The following GTF2IRD1 variants were observed in gnomAD, a reference collection of about 807,000 sequenced individuals.
GTF2IRD1 encodes GTF2I repeat domain containing 1, also known as general transcription factor II-I repeat domain-containing protein 1.
Under a neutral mutation model 113.2 loss-of-function variants are expected in GTF2IRD1, and 26 were observed. That is an observed-to-expected ratio of 0.23 (90% CI 0.17 to 0.32). The LOEUF (loss-of-function observed/expected upper bound fraction) is 0.32, where lower values mean the gene tolerates loss of function less well. GTF2IRD1 is among the 10% of genes least tolerant of loss of function. The pLI is 1.00. For missense variants in GTF2IRD1, 864 were observed against 1,280.8 expected (o/e 0.67, Z 4.97); for synonymous variants, 484 against 529.1 (o/e 0.91, Z 1.17).
intron 11 of GTF2IRD1, 41 bp downstream of exon 11, chr7:74,536,316 C>A: frequency 8.1e-7 from 1 of 1,241,306 alleles, no homozygotes; most frequent in Non-Finnish European, 1.2e-6. Flanking sequence ...GCGGCCAGCC[C>A]TGCTCTGGGC....
intron 25 of GTF2IRD1, among the ~76,000 whole-genome samples, chr7:74,596,770 G>A (rs1263787064): frequency 3.9e-5 from 6 of 152,184 alleles, no homozygotes; most frequent in African/African-American, 7.2e-5. Flanking sequence ...CCTGGGCAAC[G>A]TAGTGAGATC....
chr7:74,591,090 T>C, intron 24 of GTF2IRD1, 73 bp downstream of exon 24: 1 of 1,026,428 alleles, frequency 9.7e-7, no homozygotes, highest in Non-Finnish European at 1.5e-6. Flanking sequence ...AAGGTCACGG[T>C]GGGTCAGCTG....
chr7:74,539,188 G>A (rs1274099086), intron 13 of GTF2IRD1, among the ~76,000 whole-genome samples: 4 of 152,196 alleles, frequency 2.6e-5, no homozygotes, highest in African/African-American at 9.6e-5. Context: ...GCTCATGCTT[G>A]TAATCCTGGC....
Position 74,519,634 on chromosome 7 carries a change from C to T in GTF2IRD1, c.831C>T (p.Cys277=), listed in dbSNP as rs781930606. 3 of 1,611,168 alleles carry T rather than the reference C, an allele frequency of 1.9e-6. No individual in the cohort carries two copies. The highest frequency in any genetic ancestry group is 3.3e-5 in the Admixed American group (2 of 59,790). ...IRELKQEAPS[C]PLAPSDLGLS... Reference sequence around the variant, plus strand: ...AGCTCAAGCAGGAAGCACCTTCCTGCCCCCTTGCCCCCAGCGACCTGGGCC... The same window carrying T: ...AGCTCAAGCAGGAAGCACCTTCCTGTCCCCTTGCCCCCAGCGACCTGGGCC... Residue 277 remains cysteine, a synonymous_variant, in exon 6 of 27, where the codon TGC becomes TGT. Transcript: ENST00000424337.
chr7:74,520,880 ATTATT>A (rs1797251962), intron 6 of GTF2IRD1, among the ~76,000 whole-genome samples: 1 of 144,170 alleles, frequency 6.9e-6, no homozygotes, highest in Non-Finnish European at 1.5e-5. Flanking sequence ...TATTATTATT[ATTATT>A]ATAAGGGGGA....
rs541623163 is a variant in GTF2IRD1 at position 74,501,944 on chromosome 7, G to A, written c.-6-6131G>A. Among the ~76,000 whole-genome samples, 24 of 152,138 alleles carry A rather than the reference G, an allele frequency of 1.6e-4. No individual in the cohort carries two copies. In the South Asian group the frequency reaches 4.8e-3, roughly 30 times the overall value. On this transcript the variant is annotated intron_variant, in intron 1 of 26. Transcript: ENST00000424337. Reference sequence around the variant, plus strand: ...TGGGATTACAGGTGTGAGCTACCGCGCCTGGCCTTTGTTGTTGTTTTGAGA... The same window carrying A: ...TGGGATTACAGGTGTGAGCTACCGCACCTGGCCTTTGTTGTTGTTTTGAGA...
Position 74,512,769 on chromosome 7 carries a change from ATACTAGAGG to A in GTF2IRD1, c.124-59_124-51del. 6.5e-7 allele frequency: 1 copy of A among 1,547,918 alleles called. No individual in the cohort carries two copies. The highest frequency in any genetic ancestry group is 8.8e-7 in the Non-Finnish European group (1 of 1,132,264). ...AGCTCACATCCCACCCCCGAAGTGG[ATACTAGAGG>A]TGTTCGGAGTATGGGGAGCCCTTCC... On this transcript the variant is annotated intron_variant, in intron 2 of 26. Transcript: ENST00000424337. The surrounding 1 kb of genome is among the most constrained non-coding windows in gnomAD (Gnocchi z 4.4).
chr7:74,503,698 G>A (rs528129413), intron 1 of GTF2IRD1, among the ~76,000 whole-genome samples: 6 of 151,676 alleles, frequency 4.0e-5, no homozygotes, highest in East Asian at 1.9e-4. Flanking sequence ...GCAGTGAGCC[G>A]AGATCACACC....
At chr7:74,540,280 G>A (rs587716050) in intron 14 of GTF2IRD1, among the ~76,000 whole-genome samples, 1 of 152,226 alleles carries the variant, frequency 6.6e-6, no homozygotes, top group South Asian at 2.1e-4. Flanking sequence ...CTGAGTAGCT[G>A]GAATTACAGG....
intron 1 of GTF2IRD1, among the ~76,000 whole-genome samples, chr7:74,489,349 CT>C (rs1388435203): frequency 3.3e-5 from 5 of 151,642 alleles, no homozygotes; most frequent in Non-Finnish European, 4.4e-5. Flanking sequence ...GTTTCAGTCC[CT>C]TTTTTTATTT....
Position 74,589,938 on chromosome 7 carries a change from T to C in GTF2IRD1, c.2398+10T>C. ...TTCAACGAGAAATACGGTCAGTGCC[T>C]GTGGTCAGGGTCAGCACACCAAGCC... On this transcript the variant is annotated intron_variant, in intron 23 of 26. Coordinates refer to ENST00000424337, the MANE Select transcript of GTF2IRD1 (RefSeq NM_005685.4). The C allele has an allele frequency of 2.5e-6, 4 of 1,578,930 alleles. No homozygotes were observed. Among genetic ancestry groups the C allele is most frequent in the Non-Finnish European group, 3.5e-6 (4 of 1,148,354 alleles).
chr7:74,590,687 C>T (rs1802006491), intron 23 of GTF2IRD1, 138 bp from the exon 24 acceptor site: 4 of 523,932 alleles, frequency 7.6e-6, no homozygotes, highest in Non-Finnish European at 1.3e-5. Context: ...CACTGCGCCC[C>T]ACCAGGGTCT....
chr7:74,486,290 A>T (rs1795021120), intron 1 of GTF2IRD1, among the ~76,000 whole-genome samples: 1 of 152,138 alleles, frequency 6.6e-6, no homozygotes. Flanking sequence ...GGCTTAGGAG[A>T]GAGGGGTGTC....
In GTF2IRD1 at chr7:74,544,771, G is replaced by A. The variant is rs782658707; in HGVS notation, c.1635G>A (p.Glu545=). ...MEMLTDKGLS[E]DARPEERPVE... ...CTCTTTTAGACAAAGGTCTGAGTGA[G>A]GACGCGCGGCCCGAGGAGAGGCCCG... The change falls in exon 15 of 27, where the codon GAG becomes GAA. Residue 545 remains glutamate, a synonymous_variant. Coordinates refer to ENST00000424337, the MANE Select transcript of GTF2IRD1 (RefSeq NM_005685.4). The A allele has an allele frequency of 1.9e-6, 3 of 1,613,842 alleles. No homozygotes were observed. The highest frequency in any genetic ancestry group is 1.7e-6 in the Non-Finnish European group (2 of 1,179,946).
At chr7:74,526,321 G>T (rs972151539) in intron 8 of GTF2IRD1, among the ~76,000 whole-genome samples, 1 of 152,202 alleles carries the variant, frequency 6.6e-6, no homozygotes, top group African/African-American at 2.4e-5. Context: ...GGGGAGCTGC[G>T]TGGGGGAGAA....
At chr7:74,565,928 G>A (rs1161536631) in intron 22 of GTF2IRD1, among the ~76,000 whole-genome samples, 1 of 151,812 alleles carries the variant, frequency 6.6e-6, no homozygotes, top group African/African-American at 2.4e-5. Flanking sequence ...AGGCTGCAGC[G>A]AGCTATGATC....
At chr7:74,564,674 C>T (rs1381381394) in intron 22 of GTF2IRD1, among the ~76,000 whole-genome samples, 2 of 152,036 alleles carry the variant, frequency 1.3e-5, no homozygotes, top group African/African-American at 2.4e-5. Flanking sequence ...GAGGATCCCT[C>T]GAGCCTAGGA....
At chr7:74,473,027 G>C (rs1315765288) in intron 1 of GTF2IRD1, among the ~76,000 whole-genome samples, 2 of 152,228 alleles carry the variant, frequency 1.3e-5, no homozygotes, top group African/African-American at 4.8e-5. Flanking sequence ...GCTGGCAAGT[G>C]GTTGATTATG....
At chr7:74,490,549 C>T (rs935680413) in intron 1 of GTF2IRD1, among the ~76,000 whole-genome samples, 20 of 151,590 alleles carry the variant, frequency 1.3e-4, no homozygotes, top group African/African-American at 4.6e-4. Flanking sequence ...GATACCCCCC[C>T]CCCCGCCCGC....
Sources: gnomAD v4.1 joint callset for allele counts (sites outside exome capture counted in the v4.1 genomes callset) on GRCh38, gnomAD v4.1.1 for gene constraint, Gnocchi (gnomAD v3.1) non-coding constraint, MANE v1.5 for transcripts, NCBI Gene and HGNC (gene_info 2026-07-23, HGNC 2026-07-21) for gene names.